The following ARHGAP15 variants were observed in gnomAD, a reference collection of about 807,000 sequenced individuals.
ARHGAP15 encodes the protein rho GTPase-activating protein 15.
A neutral mutation model predicts 63.7 loss-of-function variants in ARHGAP15; 51 were observed. The observed-to-expected ratio is 0.80, with a 90% confidence interval of 0.64 to 1.01. ARHGAP15 has a LOEUF of 1.01. ARHGAP15 is among the 50% of genes least tolerant of loss of function. ARHGAP15 has a pLI of 0.00. For synonymous variants in ARHGAP15, 191 were observed against 193.8 expected (o/e 0.99, Z 0.12); for missense variants, 560 against 564.6 (o/e 0.99, Z 0.08).
intron 12 of ARHGAP15, among the ~76,000 whole-genome samples, chr2:143,665,778 A>G (rs1477024195): frequency 6.6e-6 from 1 of 151,886 alleles, no homozygotes; most frequent in Non-Finnish European, 1.5e-5. Flanking sequence ...CCAATAACAG[A>G]CAAACAGAAA....
chr2:143,195,355 A>G (rs529365369), intron 2 of ARHGAP15, among the ~76,000 whole-genome samples: 1 of 152,328 alleles, frequency 6.6e-6, no homozygotes, highest in African/African-American at 2.4e-5. Flanking sequence ...GAAAAATTGC[A>G]TCTTTCTTTC....
At position 143,556,384 on chromosome 2, in the gene ARHGAP15, T is replaced by C. The variant is rs182724309; in HGVS notation, c.926-24T>C. 6.0e-5 allele frequency: 94 copies of C among 1,570,858 alleles called. No individual in the cohort carries two copies. The African/African-American group carries it at 9.5e-4, about 16-fold the overall frequency. Reference sequence around the variant, plus strand: ...ATCTCAATTCCTATATGTGCTAATATAAAATATGCCCTTTTGTCTTCAGGT... The same window carrying C: ...ATCTCAATTCCTATATGTGCTAATACAAAATATGCCCTTTTGTCTTCAGGT... On this transcript the variant is annotated intron_variant, in intron 10 of 13. Coordinates refer to ENST00000295095, the MANE Select transcript of ARHGAP15 (RefSeq NM_018460.4).
At chr2:143,283,923 A>G (rs939038804) in intron 6 of ARHGAP15, among the ~76,000 whole-genome samples, 2 of 152,086 alleles carry the variant, frequency 1.3e-5, no homozygotes, top group African/African-American at 4.8e-5. Context: ...CTTTACTTGA[A>G]TGATTTCCAA....
intron 6 of ARHGAP15, among the ~76,000 whole-genome samples, chr2:143,331,961 T>A (rs1684568668): frequency 6.6e-6 from 1 of 152,170 alleles, no homozygotes. Context: ...TTTCTAGAGT[T>A]CTTTCTGTGC....
At chr2:143,525,911 A>G (rs1694251631) in intron 10 of ARHGAP15, among the ~76,000 whole-genome samples, 1 of 152,216 alleles carries the variant, frequency 6.6e-6, no homozygotes, top group Admixed American at 6.5e-5. Flanking sequence ...TTAAGAAAAC[A>G]AATGTGGATA....
At chr2:143,667,493 C>CG (rs1553519898) in intron 12 of ARHGAP15, among the ~76,000 whole-genome samples, 1 of 147,936 alleles carries the variant, frequency 6.8e-6, no homozygotes, top group Non-Finnish European at 1.5e-5. Context: ...GTGGGTGCAG[C>CG]GCACCAGCAT....
At chr2:143,244,595 G>A (rs1693977759) in intron 5 of ARHGAP15, among the ~76,000 whole-genome samples, 1 of 152,158 alleles carries the variant, frequency 6.6e-6, no homozygotes, top group Admixed American at 6.5e-5. Context: ...TAGCGTAGCT[G>A]GTGTGAAGAA....
chr2:143,239,505 T>C (rs931067086), intron 5 of ARHGAP15, among the ~76,000 whole-genome samples: 3 of 152,076 alleles, frequency 2.0e-5, no homozygotes, highest in African/African-American at 7.2e-5. Context: ...CTTCTATGAG[T>C]TTGACGTTAT....
At chr2:143,375,135 T>C (rs1269312887) in intron 6 of ARHGAP15, among the ~76,000 whole-genome samples, 1 of 152,224 alleles carries the variant, frequency 6.6e-6, no homozygotes, top group Non-Finnish European at 1.5e-5. Context: ...TAGGTACTGA[T>C]ATATGACAGT....
intron 6 of ARHGAP15, among the ~76,000 whole-genome samples, chr2:143,394,738 T>A (rs930719656): frequency 6.6e-6 from 1 of 152,180 alleles, no homozygotes; most frequent in African/African-American, 2.4e-5. Flanking sequence ...TACACTTCAA[T>A]GTCAGTTGTA....
chr2:143,732,694 CAT>C (rs1050459460), intron 13 of ARHGAP15, among the ~76,000 whole-genome samples: 7 of 151,218 alleles, frequency 4.6e-5, no homozygotes, highest in South Asian at 4.2e-4. Context: ...CAATGGAAAA[CAT>C]ATGAGATTTT....
chr2:143,664,915 G>T lies in ARHGAP15; in HGVS notation c.1139-38504G>T, dbSNP rs1400181541. 1.3e-4 allele frequency among the ~76,000 whole-genome samples: 19 copies of T among 151,924 alleles called. No individual in the cohort carries two copies. In the South Asian group the frequency reaches 1.9e-3, roughly 15 times the overall value. ...ACCAATAACAGGAGCTGAAATTGTG[G>T]CAATAATCAATAGTTTACCAACCAA... On this transcript the variant is annotated intron_variant, in intron 12 of 13. Transcript: ENST00000295095.
intron 12 of ARHGAP15, among the ~76,000 whole-genome samples, chr2:143,695,279 G>A (rs753123720): frequency 4.6e-5 from 7 of 152,048 alleles, no homozygotes; most frequent in South Asian, 4.1e-4. Flanking sequence ...ACAGACTATC[G>A]CCTAAGGATG....
At chr2:143,518,053 A>G (rs1238505513) in intron 9 of ARHGAP15, among the ~76,000 whole-genome samples, 1 of 152,232 alleles carries the variant, frequency 6.6e-6, no homozygotes, top group Non-Finnish European at 1.5e-5. Flanking sequence ...ATTATCAGTA[A>G]TAAACAGATA....
At chr2:143,668,683 G>C (rs1682362610) in intron 12 of ARHGAP15, among the ~76,000 whole-genome samples, 1 of 152,054 alleles carries the variant, frequency 6.6e-6, no homozygotes, top group Non-Finnish European at 1.5e-5. Context: ...TTATTTTCTT[G>C]TCTTAGAGAA....
rs1224107137 is a variant in ARHGAP15, at chr2:143,376,628, A to G, written c.475-58973A>G. On this transcript the variant is annotated intron_variant, in intron 6 of 13. Coordinates refer to ENST00000295095, the MANE Select transcript of ARHGAP15 (RefSeq NM_018460.4). ...GGAAGCTAACACTAAGCATTAGAAA[A>G]TTTGATCTTAATTAGATTTATTTTA... Among the ~76,000 whole-genome samples, 3 of 152,246 alleles carry G rather than the reference A, an allele frequency of 2.0e-5. No individual in the cohort carries two copies. The South Asian group carries it at 6.2e-4, about 32-fold the overall frequency.
rs115118303 is a variant in ARHGAP15, at chr2:143,474,805, A to G, written c.704-12568A>G. On this transcript the variant is annotated intron_variant, in intron 8 of 13. Coordinates refer to ENST00000295095, the MANE Select transcript of ARHGAP15 (RefSeq NM_018460.4). Reference sequence around the variant, plus strand: ...TGAGACTCCAACATGAACTGTGCCCAAGAATGGGGTTATCTGACGGTCAAC... The same window carrying G: ...TGAGACTCCAACATGAACTGTGCCCGAGAATGGGGTTATCTGACGGTCAAC... Among the ~76,000 whole-genome samples, 1,401 of 152,348 alleles carry G rather than the reference A, an allele frequency of 9.2e-3. 17 individuals are homozygous for G. Among genetic ancestry groups the G allele is most frequent in the African/African-American group, 0.032 (1,329 of 41,566 alleles).
At chr2:143,216,739 A>G (rs563446611) in intron 4 of ARHGAP15, among the ~76,000 whole-genome samples, 6 of 152,360 alleles carry the variant, frequency 3.9e-5, no homozygotes. Flanking sequence ...TCTGTGATTG[A>G]AAGATTAGAG....
chr2:143,492,997 G>T (rs1366957489), intron 9 of ARHGAP15, among the ~76,000 whole-genome samples: 1 of 151,820 alleles, frequency 6.6e-6, no homozygotes, highest in East Asian at 1.9e-4. Context: ...GGCGGAGCTT[G>T]CAGTGAGCCG....
Sources: gnomAD v4.1 joint callset for allele counts (sites outside exome capture counted in the v4.1 genomes callset) on GRCh38, gnomAD v4.1.1 for gene constraint, MANE v1.5 for transcripts, NCBI Gene and HGNC (gene_info 2026-07-23, HGNC 2026-07-21) for gene names.